WWP2: variants seen among roughly 807,000 people sequenced by gnomAD.
WWP2 encodes NEDD4-like E3 ubiquitin-protein ligase WWP2.
In WWP2, 57 loss-of-function variants were observed where a neutral mutation model predicts 121.0. The ratio of observed to expected loss-of-function variants is 0.47; its 90% confidence interval spans 0.38 to 0.59. The LOEUF (loss-of-function observed/expected upper bound fraction) is 0.59, where lower values mean the gene tolerates loss of function less well. Ranked by LOEUF, WWP2 falls within the 20% of genes least tolerant of loss-of-function variation. WWP2 has a pLI of 0.00. For missense variants in WWP2, 962 were observed against 1,158.9 expected, an observed-to-expected ratio of 0.83 and a Z score of 2.47; for synonymous variants, 449 against 441.3, an observed-to-expected ratio of 1.02 and a Z score of -0.22.
chr16:69,931,621 C>T (rs1311243117), intron 15 of WWP2, 41 bp downstream of exon 15: 2 of 1,611,738 alleles, frequency 1.2e-6, no homozygotes, highest in Non-Finnish European at 1.7e-6. Context: ...GGCCGACGCC[C>T]TCCTCCCAGC....
intron 7 of WWP2, among the ~76,000 whole-genome samples, chr16:69,880,775 C>T (rs1274382367): frequency 6.6e-6 from 1 of 152,194 alleles, no homozygotes; most frequent in African/African-American, 2.4e-5. Flanking sequence ...AACTGCTTTA[C>T]TGTGGCCCAC....
Position 69,820,328 on chromosome 16 carries a change from G to A in WWP2, c.341-19798G>A, listed in dbSNP as rs543953608. Among the ~76,000 whole-genome samples the A allele has an allele frequency of 5.5e-4, 84 of 152,132 alleles. No individual in the cohort carries two copies. In the South Asian group the frequency reaches 0.017, roughly 30 times the overall value. ...TGCATCTCAGCTCACTGCAACCTCC[G>A]CCTCCTGGGTTCAAGTGATTCTCCT... On this transcript the variant is annotated intron_variant, in intron 4 of 23. Coordinates refer to ENST00000359154, the MANE Select transcript of WWP2 (RefSeq NM_001270454.2).
At chr16:69,861,414 T>C (rs1369069994) in intron 6 of WWP2, among the ~76,000 whole-genome samples, 47 of 152,222 alleles carry the variant, frequency 3.1e-4, no homozygotes, top group Admixed American at 3.1e-3. Flanking sequence ...AAGGTTGCTC[T>C]GTACTCTAGG....
At chr16:69,936,192 G>C (rs1597189376) in intron 18 of WWP2, 120 bp from the exon 19 acceptor site, 1 of 1,503,266 alleles carries the variant, frequency 6.7e-7, no homozygotes, top group Non-Finnish European at 9.0e-7. Context: ...GCTGTCCCCT[G>C]TCACTGTTCA....
At chr16:69,890,094 A>G (rs568544788) in intron 8 of WWP2, among the ~76,000 whole-genome samples, 4 of 150,072 alleles carry the variant, frequency 2.7e-5, no homozygotes, top group South Asian at 4.3e-4. Context: ...AGCTGGGACT[A>G]CAGGCGTGCA....
chr16:69,793,035 G>A (rs1342646154), intron 2 of WWP2, among the ~76,000 whole-genome samples: 1 of 152,054 alleles, frequency 6.6e-6, no homozygotes, highest in African/African-American at 2.4e-5. Flanking sequence ...ATCACCCAGT[G>A]GGTTCTTCTT....
rs771352727 is a variant in WWP2, at chr16:69,917,845, G to C, written c.1141G>C (p.Gly381Arg). 2.5e-6 allele frequency: 4 copies of C among 1,613,596 alleles called. No homozygotes were observed. The highest frequency in any genetic ancestry group is 3.4e-6 in the Non-Finnish European group (4 of 1,179,500). The change falls in exon 10 of 24, where the codon GGG (glycine) becomes CGG (arginine). Residue 381 changes from glycine (G) to arginine (R), a missense_variant. By Grantham distance (125) the Gly-to-Arg change is moderately radical (BLOSUM62 -2). Transcript: ENST00000359154. The part of the protein sequence containing the change: ...QWQSQRNQLQ[G>R]AMQHFSQRFL... ...GCAGTCGCAGCGGAATCAGCTCCAGGGGGCCATGCAGCACTTCAGCCAAAG... is the reference window on the plus strand; with the variant it reads ...GCAGTCGCAGCGGAATCAGCTCCAGCGGGCCATGCAGCACTTCAGCCAAAG...
chr16:69,778,688 C>G (rs2151780757), intron 1 of WWP2, among the ~76,000 whole-genome samples: 1 of 152,254 alleles, frequency 6.6e-6, no homozygotes, highest in African/African-American at 2.4e-5. Flanking sequence ...GTTGCCCAGG[C>G]TGGAGTGCAG....
chr16:69,812,477 CTT>C (rs1178666410), intron 4 of WWP2, among the ~76,000 whole-genome samples: 4 of 119,890 alleles, frequency 3.3e-5, no homozygotes, highest in South Asian at 2.7e-4. Context: ...AACCCCCCCC[CTT>C]TTTTTTTTTT....
rs957224996 is a variant in WWP2, at chr16:69,786,442, C to CTT, written c.-15-529_-15-528dup. ...GCATGAGCCACTGCGCCCAGCCAAT[C>CTT]TTTTTTTTTTTTTTTTTTTTTTTTT... On this transcript the variant is annotated intron_variant, in intron 1 of 23. Transcript: ENST00000359154. Among the ~76,000 whole-genome samples the CTT allele has an allele frequency of 6.0e-3, 515 of 85,398 alleles. 91 individuals carry two copies. Among genetic ancestry groups the CTT allele is most frequent in the African/African-American group, 0.026 (428 of 16,532 alleles). 56.0% of individuals were successfully genotyped at this position (85,398 alleles called of 152,430 possible).
chr16:69,839,514 G>A (rs536053749), intron 4 of WWP2, among the ~76,000 whole-genome samples: 4 of 152,256 alleles, frequency 2.6e-5, no homozygotes, highest in Admixed American at 6.5e-5. Context: ...CCTTGGGGAC[G>A]GGGTGCTCTG....
chr16:69,798,862 A>G, intron 3 of WWP2, 33 bp downstream of exon 3: 1 of 1,609,570 alleles, frequency 6.2e-7, no homozygotes. Context: ...TGAACGCAGC[A>G]AGATGGGGAA....
At chr16:69,788,778 C>T (rs2055845186) in intron 2 of WWP2, among the ~76,000 whole-genome samples, 1 of 152,070 alleles carries the variant, frequency 6.6e-6, no homozygotes, top group Non-Finnish European at 1.5e-5. Context: ...ATTTTTGTCG[C>T]TTTGGTCACT....
intron 4 of WWP2, 152 bp from the exon 5 acceptor site, chr16:69,839,974 C>CT (rs1177558603): frequency 3.7e-6 from 4 of 1,090,250 alleles, no homozygotes; most frequent in African/African-American, 1.6e-5. Flanking sequence ...CCTTCCCACT[C>CT]TTTTTTCCAT....
chr16:69,802,150 G>T (rs886963191), intron 4 of WWP2, among the ~76,000 whole-genome samples: 1 of 152,008 alleles, frequency 6.6e-6, no homozygotes, highest in Non-Finnish European at 1.5e-5. Flanking sequence ...GGCTGGTCTC[G>T]ATCTCCTGAC....
rs116301857 is a variant in WWP2 at position 69,936,696 on chromosome 16, G to A, written c.2117+244G>A. 3.1e-3 allele frequency: 1,776 copies of A among 564,746 alleles called. 31 individuals carry two copies. Among genetic ancestry groups the A allele is most frequent in the African/African-American group, 0.028 (1,510 of 53,306 alleles). 35.0% of individuals were successfully genotyped at this position (564,746 alleles called of 1,614,324 possible). ...ATGTGGGAGACTTCAAGCCTGCAGC[G>A]TGGAATTTCTTTGAAGTGGCATCAA... On this transcript the variant is annotated intron_variant, in intron 19 of 23. Coordinates refer to ENST00000359154, the MANE Select transcript of WWP2 (RefSeq NM_001270454.2).
At position 69,798,693 on chromosome 16, in the gene WWP2, A is replaced by G. The variant is rs2056098759; in HGVS notation, c.82A>G (p.Lys28Glu). Residue 28 changes from lysine (K) to glutamate (E), a missense_variant, in exon 3 of 24, where the codon AAG (lysine) becomes GAG (glutamate). By Grantham distance (56) the Lys-to-Glu change is moderately conservative. This residue lies in a region of WWP2 where 145 missense variants were observed against 189.8 expected (regional missense o/e 0.76). Coordinates refer to ENST00000359154, the MANE Select transcript of WWP2 (RefSeq NM_001270454.2). ...TCTTTCTCTCCCAGTGGTGTCCGCAAAGCCCAAGGTGCATAATCGTCAACC... is the reference window on the plus strand; with the variant it reads ...TCTTTCTCTCCCAGTGGTGTCCGCAGAGCCCAAGGTGCATAATCGTCAACC... Reference protein sequence around the residue: ...SQLTLKVVSAKPKVHNRQPRI... With the variant: ...SQLTLKVVSAEPKVHNRQPRI... 1 of 1,613,750 alleles carries G rather than the reference A, an allele frequency of 6.2e-7. No homozygotes were observed. Among genetic ancestry groups the G allele is most frequent in the Non-Finnish European group, 8.5e-7 (1 of 1,179,952 alleles).
At chr16:69,844,345 C>T (rs1263269564) in intron 6 of WWP2, among the ~76,000 whole-genome samples, 1 of 152,172 alleles carries the variant, frequency 6.6e-6, no homozygotes, top group African/African-American at 2.4e-5. Context: ...GCATTTCACT[C>T]TTTTAGAGAG....
intron 23 of WWP2, 89 bp from the exon 24 acceptor site, chr16:69,939,752 C>G (rs4985461): frequency 0.74 from 902,224 of 1,222,800 alleles, 335,267 homozygotes; most frequent in East Asian, 0.96. Context: ...GTGGTGCAAG[C>G]CCTGTGGCCC....
Sources: allele counts gnomAD v4.1 joint callset (sites outside exome capture counted in the v4.1 genomes callset), GRCh38; gene constraint gnomAD v4.1.1; regional missense constraint gnomAD v4.1.1; transcripts MANE v1.5; gene names NCBI Gene and HGNC (gene_info 2026-07-23, HGNC 2026-07-21).